ADGRL2: variants seen among roughly 807,000 people sequenced by gnomAD.
ADGRL2 encodes adhesion G protein-coupled receptor L2, also known as calcium-independent alpha-latrotoxin receptor 2.
In ADGRL2, 44 loss-of-function variants were observed where a neutral mutation model predicts 157.4. The ratio of observed to expected loss-of-function variants is 0.28; its 90% CI spans 0.22 to 0.36. The LOEUF (loss-of-function observed/expected upper bound fraction) is 0.36, where lower values mean the gene tolerates loss of function less well. Ranked by LOEUF, ADGRL2 falls within the 10% of genes least tolerant of loss-of-function variation. The pLI is 1.00. For synonymous variants in ADGRL2, 585 were observed against 624.7 expected (o/e 0.94, Z 0.95); for missense variants, 1,510 against 1,768.9 (o/e 0.85, Z 2.63).
intron 2 of ADGRL2, among the ~76,000 whole-genome samples, chr1:81,549,789 C>T (rs2080100731): frequency 6.6e-6 from 1 of 152,092 alleles, no homozygotes; most frequent in Non-Finnish European, 1.5e-5. Context: ...GTACCTGTTA[C>T]CCCAAGTGAG....
intron 3 of ADGRL2, among the ~76,000 whole-genome samples, chr1:81,647,749 C>G (rs1376233208): frequency 3.9e-5 from 6 of 152,096 alleles, no homozygotes; most frequent in Admixed American, 6.5e-5. Flanking sequence ...GGTAATGTAC[C>G]AGAATTTTGA....
chr1:81,657,837 T>C (rs2148867104), intron 3 of ADGRL2, among the ~76,000 whole-genome samples: 1 of 152,350 alleles, frequency 6.6e-6, no homozygotes, highest in East Asian at 1.9e-4. Context: ...ACATAAAGCC[T>C]ATTATAACTA....
intron 2 of ADGRL2, among the ~76,000 whole-genome samples, chr1:81,775,789 C>A (rs1195507576): frequency 6.6e-6 from 1 of 152,106 alleles, no homozygotes. Flanking sequence ...TCCATGCATA[C>A]CTTGTAAAAA....
rs1343878698 is a variant in ADGRL2, at chr1:81,742,585, T to A, written c.-142-19226T>A. Among the ~76,000 whole-genome samples, 4 of 151,938 alleles carry A rather than the reference T, an allele frequency of 2.6e-5. No homozygotes were observed. In the East Asian group the frequency reaches 7.7e-4, roughly 29 times the overall value. Reference sequence around the variant, plus strand: ...CCTTCTTTTGGCATCATGTGAAGAGTTAAGAATGCAACGAAAGAACTGAAA... The same window carrying A: ...CCTTCTTTTGGCATCATGTGAAGAGATAAGAATGCAACGAAAGAACTGAAA... On this transcript the variant is annotated intron_variant, in intron 1 of 20. Coordinates refer to the ADGRL2 transcript ENST00000359929.
At chr1:81,727,052 A>G (rs1256512023) in intron 1 of ADGRL2, among the ~76,000 whole-genome samples, 3 of 152,254 alleles carry the variant, frequency 2.0e-5, no homozygotes, top group Non-Finnish European at 4.4e-5. Context: ...AAACATGTAC[A>G]GTAACAATTG....
At chr1:81,850,089 A>G (rs2092945660) in intron 2 of ADGRL2, among the ~76,000 whole-genome samples, 1 of 151,872 alleles carries the variant, frequency 6.6e-6, no homozygotes, top group South Asian at 2.1e-4. Flanking sequence ...AATTTTAAAC[A>G]CCTTTACCAG....
chr1:81,818,204 A>G (rs2090613926), intron 1 of ADGRL2, among the ~76,000 whole-genome samples: 2 of 152,210 alleles, frequency 1.3e-5, no homozygotes, highest in East Asian at 3.9e-4. Context: ...AATAAAAATC[A>G]CAATCATATT....
rs150715992 is a variant in ADGRL2, at chr1:81,318,799, C to G, written c.-302+12290C>G. 2.7e-3 allele frequency among the ~76,000 whole-genome samples: 411 copies of G among 152,042 alleles called. 3 individuals are homozygous for G. The highest frequency in any genetic ancestry group is 9.7e-3 in the African/African-American group (404 of 41,492). On this transcript the variant is annotated intron_variant, in intron 1 of 24. Coordinates refer to the ADGRL2 transcript ENST00000370721. Reference sequence around the variant, plus strand: ...GTCATAAAATTCAGCATTGCTGATGCTTAAGAGCAAACTCACCTCTCTTAA... The same window carrying G: ...GTCATAAAATTCAGCATTGCTGATGGTTAAGAGCAAACTCACCTCTCTTAA...
chr1:81,690,254 A>G (rs1256221978), intron 3 of ADGRL2, among the ~76,000 whole-genome samples: 1 of 152,220 alleles, frequency 6.6e-6, no homozygotes, highest in African/African-American at 2.4e-5. Flanking sequence ...GCACTTCAGG[A>G]GGCCAAGGTG....
intron 2 of ADGRL2, among the ~76,000 whole-genome samples, chr1:81,554,097 A>G (rs1223915645): frequency 6.6e-6 from 1 of 152,206 alleles, no homozygotes; most frequent in Non-Finnish European, 1.5e-5. Context: ...TAAAAAACAG[A>G]TGACAGCTGG....
rs889209448 is a variant in ADGRL2, at chr1:81,955,895, G to T, written c.1852G>T (p.Asp618Tyr). 6 of 1,593,380 alleles carry T rather than the reference G, an allele frequency of 3.8e-6. No individual in the cohort carries two copies. The highest frequency in any genetic ancestry group is 5.1e-6 in the Non-Finnish European group (6 of 1,171,134). Reference sequence around the variant, plus strand: ...GATACAGGCAATTGTTGACACAGTGGACAACCTTCTGAGACCCGAAGCTTT... The same window carrying T: ...GATACAGGCAATTGTTGACACAGTGTACAACCTTCTGAGACCCGAAGCTTT... ...AYLKAIVDTV[D>Y]NLLRPEALES... The change falls in exon 11 of 24, where the codon GAC (aspartate) becomes TAC (tyrosine). Residue 618 changes from aspartate to tyrosine, a missense_variant. Physicochemically the swap from Asp to Tyr is radical, Grantham distance 160 (BLOSUM62 -3). Around this residue, in one of 4 missense-constraint regions of ADGRL2, gnomAD observed 325 missense variants for 333.2 expected, o/e 0.98. Transcript: ENST00000686636.
At chr1:81,314,636 A>T (rs17106398) in intron 1 of ADGRL2, among the ~76,000 whole-genome samples, 22,450 of 152,220 alleles carry the variant, frequency 0.15, 2,075 homozygotes, top group African/African-American at 0.26. Context: ...TAGTTTCTAA[A>T]TATATCCTAG....
intron 2 of ADGRL2, among the ~76,000 whole-genome samples, chr1:81,840,549 T>A (rs1054353030): frequency 6.6e-6 from 1 of 152,134 alleles, no homozygotes; most frequent in Non-Finnish European, 1.5e-5. Flanking sequence ...ATTTTTAAAG[T>A]TTGAACATGG....
intron 1 of ADGRL2, among the ~76,000 whole-genome samples, chr1:81,834,734 A>T (rs1326317256): frequency 6.6e-6 from 1 of 152,168 alleles, no homozygotes; most frequent in Admixed American, 6.6e-5. Flanking sequence ...AGGCAGATTG[A>T]CTTAAGCTTT....
At chr1:81,948,125 G>A (rs1293455791) in intron 6 of ADGRL2, among the ~76,000 whole-genome samples, 3 of 151,700 alleles carry the variant, frequency 2.0e-5, no homozygotes, top group African/African-American at 4.8e-5. Context: ...GCTGAAGCAG[G>A]AGAATGGCTT....
At chr1:81,908,790 T>C (rs2094641361) in intron 3 of ADGRL2, among the ~76,000 whole-genome samples, 1 of 152,196 alleles carries the variant, frequency 6.6e-6, no homozygotes. Context: ...ATGTTGTAAT[T>C]TGTAATTCCC....
At chr1:81,367,771 C>T (rs760913801) in intron 1 of ADGRL2, among the ~76,000 whole-genome samples, 25 of 152,114 alleles carry the variant, frequency 1.6e-4, no homozygotes, top group Admixed American at 1.4e-3. Flanking sequence ...AGGCTAGACT[C>T]GAACTCCTGA....
At chr1:81,402,683 C>G (rs1410300116) in intron 1 of ADGRL2, among the ~76,000 whole-genome samples, 1 of 152,196 alleles carries the variant, frequency 6.6e-6, no homozygotes, top group African/African-American at 2.4e-5. Context: ...TTCCTATTGT[C>G]TTCCATTTTC....
chr1:81,802,027 C>G (rs1331187965), intron 1 of ADGRL2, among the ~76,000 whole-genome samples: 1 of 150,958 alleles, frequency 6.6e-6, no homozygotes, highest in Non-Finnish European at 1.5e-5. Flanking sequence ...GCGGCGGCGG[C>G]CGAGCAGGAG....
Sources: allele counts gnomAD v4.1 joint callset (sites outside exome capture counted in the v4.1 genomes callset), GRCh38; gene constraint gnomAD v4.1.1; regional missense constraint gnomAD v4.1.1; transcripts MANE v1.5; gene names NCBI Gene and HGNC (gene_info 2026-07-23, HGNC 2026-07-21).